CDC27: variants seen among roughly 807,000 people sequenced by gnomAD.
The protein encoded by CDC27 is cell division cycle 27, also known as cell division cycle protein 27 homolog.
CDC27 carries 27 observed loss-of-function variants against 109.7 expected under a neutral mutation model. That is an observed-to-expected ratio of 0.25 (90% confidence interval 0.18 to 0.34). CDC27 has a LOEUF of 0.34. Ranked by LOEUF, CDC27 falls within the 10% of genes least tolerant of loss-of-function variation. The pLI is 1.00. For missense variants in CDC27, 579 were observed against 960.2 expected, an observed-to-expected ratio of 0.60 and a Z score of 5.25; for synonymous variants, 266 against 333.9, an observed-to-expected ratio of 0.80 and a Z score of 2.22.
At chr17:47,138,092 C>T (rs146057722) in intron 13 of CDC27, among the ~76,000 whole-genome samples, 28 of 152,230 alleles carry the variant, frequency 1.8e-4, no homozygotes, top group African/African-American at 6.5e-4. Flanking sequence ...TGAGCCACCA[C>T]ACCCAGCAGC....
Position 47,169,725 on chromosome 17 carries a change from T to C in CDC27, c.377+192A>G, listed in dbSNP as rs569666329. ...TTGTTAGGCAGGGCAGCTGTAGCTATTATCAGTAAGGATAAGTGGAGAGTT... is the reference window on the plus strand; with the variant it reads ...TTGTTAGGCAGGGCAGCTGTAGCTACTATCAGTAAGGATAAGTGGAGAGTT... On this transcript the variant is annotated intron_variant, in intron 4 of 18. Coordinates refer to ENST00000066544, the MANE Select transcript of CDC27 (RefSeq NM_001256.6). The C allele has an allele frequency of 1.8e-5, 7 of 383,014 alleles. No individual in the cohort carries two copies. In the South Asian group the frequency reaches 5.0e-4, roughly 27 times the overall value. The allele number at this position is 383,014 out of a possible 1,614,324, so 23.7% of individuals were successfully genotyped here. A position where few individuals can be genotyped will look rare whatever the true frequency, so the allele number is the denominator to read the frequency against.
intron 9 of CDC27, among the ~76,000 whole-genome samples, chr17:47,149,509 T>TAAAA (rs34375130): frequency 2.7e-5 from 3 of 112,170 alleles, no homozygotes; most frequent in Non-Finnish European, 3.6e-5. Flanking sequence ...GACTCTGTCT[T>TAAAA]AAAAAAAAAA....
chr17:47,144,321 T>A (rs372342211), intron 9 of CDC27, among the ~76,000 whole-genome samples: 4 of 152,274 alleles, frequency 2.6e-5, no homozygotes. Flanking sequence ...ATAGCATAGA[T>A]CTTCACTCTC....
chr17:47,140,040 T>C (rs1363312710), intron 12 of CDC27: 1 of 152,106 alleles, frequency 6.6e-6, no homozygotes, highest in Non-Finnish European at 1.5e-5. Flanking sequence ...AAGGAATATC[T>C]GGACTATTCT....
Position 47,151,930 on chromosome 17 carries a change from GAA to G in CDC27, c.958-14_958-13del. On this transcript the variant is annotated splice_polypyrimidine_tract_variant and intron_variant, in intron 8 of 18. Coordinates refer to ENST00000066544, the MANE Select transcript of CDC27 (RefSeq NM_001256.6). ...ATTCTGGCAACAGACTGTAAAACAC[GAA>G]AAGTCTAAGGTTTGTGAATTATGGG... 2 of 1,603,030 alleles carry G rather than the reference GAA, an allele frequency of 1.2e-6. No individual in the cohort carries two copies. Among genetic ancestry groups the G allele is most frequent in the East Asian group, 2.2e-5 (1 of 44,528 alleles).
Position 47,143,206 on chromosome 17 carries a change from G to A in CDC27, c.1170+677C>T, listed in dbSNP as rs968005784. ...CTCAAACTCCTAAGCTCAAGTGATC[G>A]GCCCACCTTGGCCTCCCAAAGTGCT... is the stretch of plus-strand genomic sequence containing the variant. On this transcript the variant is annotated intron_variant, in intron 10 of 18. Transcript: ENST00000066544. Among the ~76,000 whole-genome samples the A allele has an allele frequency of 2.8e-5, 4 of 145,094 alleles. No individual in the cohort carries two copies. The South Asian group carries it at 6.6e-4, about 24-fold the overall frequency.
rs748832141 is a variant in CDC27, at chr17:47,132,294, T to C, written c.1994A>G (p.Asn665Ser). Residue 665 changes from asparagine (N) to serine (S), a missense_variant, in exon 15 of 19, where the codon AAC (asparagine) becomes AGC (serine). Physicochemically the swap from Asn to Ser is conservative, Grantham distance 46. This residue lies in a region of CDC27 where 227 missense variants were observed against 363.6 expected (regional missense o/e 0.62). Coordinates refer to ENST00000066544, the MANE Select transcript of CDC27 (RefSeq NM_001256.6). ...EMHFQKALDINPQSSVLLCHI... is the reference protein window; with the variant it reads ...EMHFQKALDISPQSSVLLCHI... ...GCAAAGTAAAACTGAACTTTGAGGGTTGATATCAAGCGCTTTTTGGAAATG... is the reference window on the plus strand; with the variant it reads ...GCAAAGTAAAACTGAACTTTGAGGGCTGATATCAAGCGCTTTTTGGAAATG... 40 of 1,601,882 alleles carry C rather than the reference T, an allele frequency of 2.5e-5. No individual in the cohort carries two copies. The highest frequency in any genetic ancestry group is 3.1e-5 in the Non-Finnish European group (36 of 1,172,440).
intron 2 of CDC27, among the ~76,000 whole-genome samples, chr17:47,175,041 G>A (rs950222973): frequency 2.2e-4 from 9 of 40,410 alleles, no homozygotes; most frequent in African/African-American, 6.0e-4. Context: ...GAGAGAGAGA[G>A]GAAGGAAGGA....
chr17:47,142,150 C>A, intron 11 of CDC27, 79 bp downstream of exon 11: 1 of 1,106,648 alleles, frequency 9.0e-7, no homozygotes, highest in Non-Finnish European at 1.3e-6. Context: ...AATGAAGGTA[C>A]TGTAATGAAC....
chr17:47,149,342 T>C (rs554451891), intron 9 of CDC27, among the ~76,000 whole-genome samples: 34 of 148,974 alleles, frequency 2.3e-4, no homozygotes, highest in African/African-American at 7.9e-4. Context: ...GAAACCCCGT[T>C]TCTACTAAAA....
At position 47,118,295 on chromosome 17, in the gene CDC27, A is replaced by G. The variant is rs368935549; in HGVS notation, c.*2640T>C. The stretch of plus-strand genomic sequence containing the variant: ...GCAGCATGGTTCAAATGTTACTTGT[A>G]GTTCTCGGAAAAATTAAAAATTTTA... On this transcript the variant is annotated 3_prime_UTR_variant, in exon 19 of 19. Transcript: ENST00000066544. 6 of 152,438 alleles carry G rather than the reference A, an allele frequency of 3.9e-5. No homozygotes were observed. In the East Asian group the frequency reaches 9.6e-4, roughly 24 times the overall value. The allele number at this position is 152,438 out of a possible 1,614,324, so 9.4% of individuals were successfully genotyped here.
In CDC27 at chr17:47,122,541, A is replaced by G; in HGVS notation, c.2295T>C (p.Asp765=). 6.2e-7 allele frequency: 1 copy of G among 1,612,776 alleles called. No individual in the cohort carries two copies. Among genetic ancestry groups the G allele is most frequent in the East Asian group, 2.2e-5 (1 of 44,846 alleles). ...LALMNFSWAM[D]LDPKGANNQI... is the part of the protein sequence containing the mutation. ...GGTTATTGGCTCCTTTAGGATCTAA[A>G]TCCATAGCCCAAGAGAAATTCATCA... Residue 765 remains aspartate (D), a synonymous_variant, in exon 18 of 19, where the codon GAT becomes GAC. Coordinates refer to ENST00000066544, the MANE Select transcript of CDC27 (RefSeq NM_001256.6).
intron 9 of CDC27, among the ~76,000 whole-genome samples, chr17:47,145,514 T>C (rs2062929767): frequency 1.3e-5 from 2 of 152,196 alleles, no homozygotes. Context: ...GGGATGTCTT[T>C]GTTATTCATT....
At chr17:47,123,687 C>T (rs907895288) in intron 17 of CDC27, among the ~76,000 whole-genome samples, 199 bp downstream of exon 17, 8 of 152,268 alleles carry the variant, frequency 5.3e-5, no homozygotes, top group Middle Eastern at 6.8e-3. Flanking sequence ...GCTGGGATTA[C>T]AGGCGTGAGG....
In CDC27 at chr17:47,137,328, C is replaced by T; in HGVS notation, c.1737G>A (p.Leu579=). The T allele has an allele frequency of 6.2e-7, 1 of 1,605,398 alleles. No individual in the cohort carries two copies. The highest frequency in any genetic ancestry group is 8.5e-7 in the Non-Finnish European group (1 of 1,176,674). Reference sequence around the variant, plus strand: ...TAATTGCAATATCATGTTCCCGTTGCAGACTGAAACAGTTCCCTGCAGCAC... The same window carrying T: ...TAATTGCAATATCATGTTCCCGTTGTAGACTGAAACAGTTCCCTGCAGCAC... ...AWCAAGNCFS[L]QREHDIAIKF... Residue 579 remains leucine (L), a synonymous_variant, in exon 14 of 19, where the codon CTG becomes CTA. Transcript: ENST00000066544.
At chr17:47,136,986 G>A (rs111624338) in intron 14 of CDC27, among the ~76,000 whole-genome samples, 166 bp downstream of exon 14, 4 of 152,146 alleles carry the variant, frequency 2.6e-5, no homozygotes, top group East Asian at 3.8e-4. Flanking sequence ...TGTTAAAGAC[G>A]TACATTTCAT....
chr17:47,170,361 C>A, intron 3 of CDC27: 1 of 166,804 alleles, frequency 6.0e-6, no homozygotes, highest in Non-Finnish European at 1.3e-5. Context: ...CCACACCCAG[C>A]TAATTTTTAA....
intron 2 of CDC27, among the ~76,000 whole-genome samples, chr17:47,175,368 G>C (rs889024281): frequency 6.6e-6 from 1 of 152,192 alleles, no homozygotes; most frequent in African/African-American, 2.4e-5. Flanking sequence ...TGAGGTGACT[G>C]TTCTTTACCT....
intron 12 of CDC27, chr17:47,139,759 C>A (rs1598440019): frequency 6.6e-6 from 1 of 152,232 alleles, no homozygotes; most frequent in East Asian, 1.9e-4. Context: ...TGCTAGGAAT[C>A]ATAGGCCCTA....
Sources: gnomAD v4.1 joint callset for allele counts (sites outside exome capture counted in the v4.1 genomes callset) on GRCh38, gnomAD v4.1.1 for gene constraint, gnomAD v4.1.1 regional missense constraint, MANE v1.5 for transcripts, NCBI Gene and HGNC (gene_info 2026-07-23, HGNC 2026-07-21) for gene names.